ST6GALNAC5: variants seen among roughly 807,000 people sequenced by gnomAD.
ST6GALNAC5 encodes alpha-N-acetylgalactosaminide alpha-2,6-sialyltransferase 5.
A neutral mutation model predicts 33.6 loss-of-function variants in ST6GALNAC5; 27 were observed. The observed-to-expected ratio is 0.80, with a 90% CI of 0.59 to 1.11. The LOEUF is 1.11. ST6GALNAC5 is among the 50% of genes least tolerant of loss of function. ST6GALNAC5 has a pLI of 0.00. For synonymous variants in ST6GALNAC5, 194 were observed against 171.2 expected (o/e 1.13, Z -1.04); for missense variants, 428 against 454.0 (o/e 0.94, Z 0.52).
intron 2 of ST6GALNAC5, among the ~76,000 whole-genome samples, chr1:77,031,600 G>GA (rs1651458928): frequency 6.6e-6 from 1 of 152,166 alleles, no homozygotes; most frequent in African/African-American, 2.4e-5. Flanking sequence ...TTGTTTATGA[G>GA]AAAAATGAGT....
At chr1:77,034,614 T>C (rs528060971) in intron 2 of ST6GALNAC5, among the ~76,000 whole-genome samples, 1 of 152,272 alleles carries the variant, frequency 6.6e-6, no homozygotes, top group South Asian at 2.1e-4. Flanking sequence ...CCGCCAGCCA[T>C]GCACAAAGGC....
intron 2 of ST6GALNAC5, among the ~76,000 whole-genome samples, chr1:77,020,575 A>G (rs1467281026): frequency 6.6e-6 from 1 of 151,780 alleles, no homozygotes; most frequent in South Asian, 2.1e-4. Flanking sequence ...TAATTTTTGT[A>G]TTTCTTTTAG....
intron 2 of ST6GALNAC5, among the ~76,000 whole-genome samples, chr1:77,027,489 A>C (rs1570112682): frequency 6.6e-6 from 1 of 152,314 alleles, no homozygotes; most frequent in Middle Eastern, 3.4e-3. Flanking sequence ...TGGCAAACAA[A>C]CCACCATTAT....
intron 2 of ST6GALNAC5, among the ~76,000 whole-genome samples, chr1:76,924,348 G>C (rs1165959952): frequency 6.6e-6 from 1 of 152,136 alleles, no homozygotes; most frequent in Non-Finnish European, 1.5e-5. Flanking sequence ...TTTCTGGAGA[G>C]CAGATCCATT....
chr1:77,030,731 T>A (rs1651420965), intron 2 of ST6GALNAC5, among the ~76,000 whole-genome samples: 1 of 152,186 alleles, frequency 6.6e-6, no homozygotes, highest in Non-Finnish European at 1.5e-5. Context: ...AAGAGGAATA[T>A]CAAGAAAAGA....
intron 2 of ST6GALNAC5, among the ~76,000 whole-genome samples, chr1:76,996,345 C>T (rs1649938147): frequency 6.6e-6 from 1 of 152,142 alleles, no homozygotes; most frequent in South Asian, 2.1e-4. Flanking sequence ...TATTAAGTGC[C>T]TACTATGCGC....
intron 2 of ST6GALNAC5, among the ~76,000 whole-genome samples, chr1:76,977,452 C>T (rs887820217): frequency 6.6e-6 from 1 of 152,170 alleles, no homozygotes; most frequent in Non-Finnish European, 1.5e-5. Context: ...CACTGACCAA[C>T]CTCTCCCCGT....
chr1:76,959,176 T>G (rs1197049602), intron 2 of ST6GALNAC5, among the ~76,000 whole-genome samples: 1 of 152,180 alleles, frequency 6.6e-6, no homozygotes, highest in African/African-American at 2.4e-5. Flanking sequence ...GTGGTTTTAT[T>G]TGCTATCCTT....
At chr1:77,036,551 C>G (rs1368656116) in intron 2 of ST6GALNAC5, among the ~76,000 whole-genome samples, 1 of 152,180 alleles carries the variant, frequency 6.6e-6, no homozygotes, top group Non-Finnish European at 1.5e-5. Context: ...TATGCAGATT[C>G]CAAATACTGG....
rs1182883901 is a variant in ST6GALNAC5 at position 76,895,798 on chromosome 1, TG to T, written c.261+27061del. On this transcript the variant is annotated intron_variant, in intron 2 of 4. Transcript: ENST00000477717. ...AAGATAGTAGGGATGACAAGTTTTTTGGGGGCACAGTCTAAGTTGGTCTGGC... is the reference window on the plus strand; with the variant it reads ...AAGATAGTAGGGATGACAAGTTTTTTGGGGCACAGTCTAAGTTGGTCTGGC... Among the ~76,000 whole-genome samples the T allele has an allele frequency of 2.0e-5, 3 of 152,064 alleles. 1 individual carries two copies. The highest frequency in any genetic ancestry group is 4.4e-5 in the Non-Finnish European group (3 of 68,008).
intron 2 of ST6GALNAC5, among the ~76,000 whole-genome samples, chr1:76,937,569 T>C (rs954666245): frequency 6.6e-6 from 1 of 152,028 alleles, no homozygotes; most frequent in African/African-American, 2.4e-5. Flanking sequence ...CAAGTCAGAA[T>C]ACATGCACAC....
chr1:77,043,866 A>C (rs1182766445), intron 2 of ST6GALNAC5, among the ~76,000 whole-genome samples: 2 of 152,186 alleles, frequency 1.3e-5, no homozygotes, highest in African/African-American at 2.4e-5. Context: ...ATTTGTTAAC[A>C]TCTCTATGCT....
chr1:76,966,384 G>C (rs369959749), intron 2 of ST6GALNAC5, among the ~76,000 whole-genome samples: 9 of 152,198 alleles, frequency 5.9e-5, no homozygotes, highest in South Asian at 2.1e-4. Context: ...GGAGTTCACT[G>C]ATGATTTGGC....
chr1:76,908,841 A>G (rs1331896912), intron 2 of ST6GALNAC5, among the ~76,000 whole-genome samples: 2 of 152,190 alleles, frequency 1.3e-5, no homozygotes, highest in East Asian at 1.9e-4. Flanking sequence ...ATGAATGAAT[A>G]AATAGATTTT....
At chr1:76,987,944 C>A (rs532601651) in intron 2 of ST6GALNAC5, among the ~76,000 whole-genome samples, 7 of 152,072 alleles carry the variant, frequency 4.6e-5, no homozygotes, top group Non-Finnish European at 8.8e-5. Context: ...AAGTTTTCTT[C>A]GATTAGTCCC....
intron 2 of ST6GALNAC5, among the ~76,000 whole-genome samples, chr1:77,025,653 T>C (rs1651203692): frequency 6.6e-6 from 1 of 151,902 alleles, no homozygotes; most frequent in African/African-American, 2.4e-5. Context: ...GGGTGACCAG[T>C]TGGGGGTAAC....
chr1:76,912,878 C>T (rs1047647984), intron 2 of ST6GALNAC5, among the ~76,000 whole-genome samples: 7 of 151,992 alleles, frequency 4.6e-5, no homozygotes, highest in Admixed American at 3.9e-4. Context: ...ATCCAATTTG[C>T]CAGTCTGTGT....
chr1:77,010,050 A>G (rs979263110), intron 2 of ST6GALNAC5, among the ~76,000 whole-genome samples: 1 of 152,160 alleles, frequency 6.6e-6, no homozygotes, highest in African/African-American at 2.4e-5. Context: ...AGCACTATAG[A>G]CACAGGGTTT....
intron 2 of ST6GALNAC5, among the ~76,000 whole-genome samples, chr1:76,894,330 G>A (rs187688063): frequency 4.6e-5 from 7 of 152,224 alleles, no homozygotes; most frequent in Admixed American, 2.6e-4. Flanking sequence ...TGCAGTGTAC[G>A]GCATGTACAC....
Sources: allele counts gnomAD v4.1 joint callset (sites outside exome capture counted in the v4.1 genomes callset), GRCh38; gene constraint gnomAD v4.1.1; transcripts MANE v1.5; gene names NCBI Gene and HGNC (gene_info 2026-07-23, HGNC 2026-07-21).